The following EBF1 variants were observed in gnomAD, a reference collection of about 807,000 sequenced individuals.
EBF1 encodes transcription factor COE1.
EBF1 carries 10 observed loss-of-function variants against 68.4 expected under a neutral mutation model. That is an observed-to-expected ratio of 0.15 (90% CI 0.09 to 0.25). The LOEUF is 0.25. Among genes scored for constraint, EBF1 ranks in the 10% least tolerant of loss-of-function variants. EBF1 has a pLI of 1.00. For missense variants in EBF1, 509 were observed against 794.4 expected (o/e 0.64, Z 4.32); for synonymous variants, 298 against 299.8 (o/e 0.99, Z 0.06).
At chr5:158,934,358 G>A (rs149641769) in intron 6 of EBF1, among the ~76,000 whole-genome samples, 9 of 152,106 alleles carry the variant, frequency 5.9e-5, no homozygotes, top group East Asian at 3.9e-4. Flanking sequence ...TCCCACCATC[G>A]CCATGCTGAA....
At chr5:158,993,742 C>T (rs1274379029) in intron 6 of EBF1, among the ~76,000 whole-genome samples, 1 of 152,198 alleles carries the variant, frequency 6.6e-6, no homozygotes, top group Admixed American at 6.5e-5. Flanking sequence ...ATCTCTCTGA[C>T]TCTGTCCAGC....
At chr5:158,805,918 T>C (rs886540126) in intron 8 of EBF1, among the ~76,000 whole-genome samples, 1 of 152,100 alleles carries the variant, frequency 6.6e-6, no homozygotes, top group African/African-American at 2.4e-5. Context: ...CAACACTGTT[T>C]CTATCATTTT....
At chr5:158,946,931 G>GTA (rs1814876015) in intron 6 of EBF1, among the ~76,000 whole-genome samples, 1 of 152,156 alleles carries the variant, frequency 6.6e-6, no homozygotes, top group Non-Finnish European at 1.5e-5. Flanking sequence ...GCGGCTCTGT[G>GTA]GCACTGCAGT....
chr5:159,064,438 T>C (rs1040263851), intron 6 of EBF1, among the ~76,000 whole-genome samples: 1 of 152,218 alleles, frequency 6.6e-6, no homozygotes, highest in Admixed American at 6.5e-5. Flanking sequence ...ATAAAGTGGA[T>C]AGTTCCTTAG....
rs534374216 is a variant in EBF1, at chr5:158,840,645, G to GT, written c.555-536dup. Among the ~76,000 whole-genome samples the GT allele has an allele frequency of 6.3e-3, 409 of 64,852 alleles. 35 individuals are homozygous for GT. The highest frequency in any genetic ancestry group is 9.7e-3 in the East Asian group (18 of 1,852). 42.5% of individuals were successfully genotyped at this position (64,852 alleles called of 152,430 possible). ...TCCTTTGACTTCTCAAATACCTCCT[G>GT]TTTTTTTTTTTTTTTTTTTTTTTTT... On this transcript the variant is annotated intron_variant, in intron 6 of 15. Transcript: ENST00000313708.
intron 7 of EBF1, among the ~76,000 whole-genome samples, chr5:158,834,957 G>C (rs912413469): frequency 6.6e-6 from 1 of 152,184 alleles, no homozygotes; most frequent in Non-Finnish European, 1.5e-5. Context: ...AATAAAACTG[G>C]TAAAAGCCAC....
chr5:158,965,355 G>GAA (rs34588832), intron 6 of EBF1, among the ~76,000 whole-genome samples: 45 of 151,798 alleles, frequency 3.0e-4, no homozygotes, highest in African/African-American at 1.1e-3. Context: ...GGTTATTTGG[G>GAA]AAAAAAAATG....
At chr5:158,898,738 C>A (rs1194866841) in intron 6 of EBF1, among the ~76,000 whole-genome samples, 1 of 152,206 alleles carries the variant, frequency 6.6e-6, no homozygotes, top group Non-Finnish European at 1.5e-5. Flanking sequence ...CTCTCAGGAA[C>A]CTCGCTTTTT....
In EBF1 at chr5:159,060,933, T is replaced by TACACACACACAC. The variant is rs72070397; in HGVS notation, c.554+12451_554+12462dup. Among the ~76,000 whole-genome samples the TACACACACACAC allele has an allele frequency of 1.6e-3, 233 of 143,782 alleles. 1 individual carries two copies. Among genetic ancestry groups the TACACACACACAC allele is most frequent in the African/African-American group, 5.7e-3 (218 of 38,554 alleles). 94.3% of individuals were successfully genotyped at this position (143,782 alleles called of 152,430 possible). A position where few individuals can be genotyped will look rare whatever the true frequency, so the allele number is the denominator to read the frequency against. On this transcript the variant is annotated intron_variant, in intron 6 of 15. Transcript: ENST00000313708. ...AGATTTAGAGAGGGTTAAAGCTACA[T>TACACACACACAC]ACACACACACACACACACACACACA... is the stretch of plus-strand genomic sequence containing the variant.
intron 6 of EBF1, among the ~76,000 whole-genome samples, chr5:158,989,396 G>A (rs139742473): frequency 6.6e-6 from 1 of 152,316 alleles, no homozygotes; most frequent in African/African-American, 2.4e-5. Context: ...TTGTCAGACT[G>A]GAGAGCAAAC....
chr5:158,833,138 TA>T (rs548995829), intron 7 of EBF1, among the ~76,000 whole-genome samples: 7 of 148,914 alleles, frequency 4.7e-5, no homozygotes, highest in Non-Finnish European at 7.5e-5. Context: ...CCTTCTCTAC[TA>T]AAAAAAAAAT....
chr5:158,811,982 T>G (rs944722918), intron 8 of EBF1, among the ~76,000 whole-genome samples: 7 of 152,182 alleles, frequency 4.6e-5, no homozygotes, highest in Non-Finnish European at 1.0e-4. Flanking sequence ...CTAAGCTCTC[T>G]TAGGAGTCTG....
intron 6 of EBF1, among the ~76,000 whole-genome samples, chr5:158,916,102 G>T (rs1301395179): frequency 1.3e-5 from 2 of 152,136 alleles, no homozygotes; most frequent in Non-Finnish European, 1.5e-5. Flanking sequence ...CTGCAGTCAG[G>T]TCATACATAG....
chr5:158,858,533 G>T (rs552042518), intron 6 of EBF1, among the ~76,000 whole-genome samples: 19 of 152,086 alleles, frequency 1.2e-4, no homozygotes, highest in Admixed American at 8.5e-4. Context: ...AAGGCTTAAG[G>T]GACAAACATT....
intron 6 of EBF1, among the ~76,000 whole-genome samples, chr5:158,956,328 T>C (rs1212247862): frequency 6.6e-6 from 1 of 152,002 alleles, no homozygotes; most frequent in East Asian, 1.9e-4. Flanking sequence ...GAGCTGAGAG[T>C]AACTTTCCCT....
At chr5:159,063,082 G>T (rs149259011) in intron 6 of EBF1, among the ~76,000 whole-genome samples, 2 of 152,238 alleles carry the variant, frequency 1.3e-5, no homozygotes, top group East Asian at 3.9e-4. Context: ...TTCAACAACT[G>T]CATTTCTAGT....
intron 10 of EBF1, among the ~76,000 whole-genome samples, chr5:158,741,999 T>C (rs932026423): frequency 6.6e-6 from 1 of 152,142 alleles, no homozygotes; most frequent in African/African-American, 2.4e-5. Context: ...GTTCAGACTT[T>C]GCCTAAATCC....
intron 8 of EBF1, among the ~76,000 whole-genome samples, chr5:158,817,910 C>G (rs1784077703): frequency 6.6e-6 from 1 of 152,160 alleles, no homozygotes; most frequent in African/African-American, 2.4e-5. Flanking sequence ...ACACCTTATC[C>G]CTTGGCTGGA....
intron 6 of EBF1, among the ~76,000 whole-genome samples, chr5:158,962,401 C>T (rs986788392): frequency 8.5e-5 from 13 of 152,234 alleles, no homozygotes; most frequent in Middle Eastern, 3.4e-3. Flanking sequence ...ACCCCATCTA[C>T]AAGGCAACAA....
Sources: gnomAD v4.1 joint callset for allele counts (sites outside exome capture counted in the v4.1 genomes callset) on GRCh38, gnomAD v4.1.1 for gene constraint, MANE v1.5 for transcripts, NCBI Gene and HGNC (gene_info 2026-07-23, HGNC 2026-07-21) for gene names.